Variants in UGT2B17 observed in about 807,000 individuals in gnomAD.
UGT2B17 encodes the protein UDP-glucuronosyltransferase 2B17.
In UGT2B17, 21 loss-of-function variants were observed where a neutral mutation model predicts 48.2. That is an observed-to-expected ratio of 0.44 (90% CI 0.31 to 0.63). UGT2B17 has a LOEUF of 0.63. Ranked by LOEUF, UGT2B17 falls within the 20% of genes least tolerant of loss-of-function variation. The pLI is 0.08. For synonymous variants in UGT2B17, 146 were observed against 238.4 expected, an observed-to-expected ratio of 0.61 and a Z score of 3.57; for missense variants, 402 against 696.1, an observed-to-expected ratio of 0.58 and a Z score of 4.75.
intron 6 of UGT2B17, among the ~76,000 whole-genome samples, chr4:68,546,298 C>G (rs1482307279): frequency 2.4e-5 from 3 of 126,292 alleles, no homozygotes; most frequent in African/African-American, 8.1e-5. Context: ...TGTAATCCAG[C>G]ACATAAACAG....
rs946989951 is a variant in UGT2B17, at chr4:68,562,980, G to C, written c.874-2312C>G. ...ATGGCTTGGTATGCGCATTGTATAA[G>C]TTTTTAACCATTTCTTAATGTAAGA... On this transcript the variant is annotated intron_variant, in intron 3 of 6. Coordinates refer to ENST00000317746, the MANE Select transcript of UGT2B17 (RefSeq NM_001077.4). Among the ~76,000 whole-genome samples the C allele has an allele frequency of 7.9e-5, 10 of 126,024 alleles. 2 individuals are homozygous for C. The Admixed American group carries it at 8.1e-4, about 10-fold the overall frequency. 82.7% of individuals were successfully genotyped at this position (126,024 alleles called of 152,430 possible).
rs562247025 is a variant in UGT2B17, at chr4:68,558,780, T to C, written c.1005+1757A>G. 7.3e-4 allele frequency among the ~76,000 whole-genome samples: 92 copies of C among 125,364 alleles called. 27 individuals carry two copies. In the South Asian group the frequency reaches 0.012, roughly 17 times the overall value. 82.2% of individuals were successfully genotyped at this position (125,364 alleles called of 152,430 possible). On this transcript the variant is annotated intron_variant, in intron 4 of 6. Transcript: ENST00000317746. Reference sequence around the variant, plus strand: ...TTAAAATGTAAAATGAAAATAAACCTGGGGGCCCCAAAGTCACTAAGCAAA... The same window carrying C: ...TTAAAATGTAAAATGAAAATAAACCCGGGGGCCCCAAAGTCACTAAGCAAA...
At position 68,571,111 on chromosome 4, in the gene UGT2B17, G is replaced by A. The variant is rs1233361981; in HGVS notation, c.-64-2563C>T. 1.6e-5 allele frequency among the ~76,000 whole-genome samples: 2 copies of A among 125,454 alleles called. 1 individual carries two copies. The highest frequency in any genetic ancestry group is 3.4e-5 in the Non-Finnish European group (2 of 59,374). The allele number at this position is 125,454 out of a possible 152,430, so 82.3% of individuals were successfully genotyped here. ...AAACAGCTTGTAACCATATGATTCG[G>A]TTGAGCATGTAGATGGGGGTCCAAT... On this transcript the variant is annotated intron_variant, in intron 1 of 6. Coordinates refer to ENST00000317746, the MANE Select transcript of UGT2B17 (RefSeq NM_001077.4).
In UGT2B17 at chr4:68,573,651, G is replaced by C. The variant is rs548483985; in HGVS notation, c.-65+2300C>G. ...TGGTTGATGAAATGCCAGGGTGAAA[G>C]GGATAGCCCAATGGACTAAGGCACA... On this transcript the variant is annotated intron_variant, in intron 1 of 6. Coordinates refer to ENST00000317746, the MANE Select transcript of UGT2B17 (RefSeq NM_001077.4). Among the ~76,000 whole-genome samples, 11 of 126,216 alleles carry C rather than the reference G, an allele frequency of 8.7e-5. 2 individuals are homozygous for C. The highest frequency in any genetic ancestry group is 1.7e-4 in the Non-Finnish European group (10 of 59,606). 82.8% of individuals were successfully genotyped at this position (126,216 alleles called of 152,430 possible). A position where few individuals can be genotyped will look rare whatever the true frequency, so the allele number is the denominator to read the frequency against.
At chr4:68,567,564 G>T (rs555904244) in intron 2 of UGT2B17, among the ~76,000 whole-genome samples, 197 bp downstream of exon 2, 1 of 124,978 alleles carries the variant, frequency 8.0e-6, no homozygotes, top group African/African-American at 2.7e-5. Context: ...GTGTCCTATA[G>T]CAGTGATGGC....
chr4:68,550,678 T>G lies in UGT2B17; in HGVS notation c.1312A>C (p.Ile438Leu). ...NALKSVINDPIYKENIMKLSR... is the reference protein window; with the variant it reads ...NALKSVINDPLYKENIMKLSR... ...TGGTCACAAAATTGTAATACTCACA[T>G]AGGGTCATTAATGACTGACTTCAAT... The change falls in exon 6 of 7, where the codon ATC becomes CTC. Residue 438 changes from isoleucine to leucine, a missense_variant and splice_region_variant. Physicochemically the swap from Ile to Leu is conservative, Grantham distance 5. This residue lies in a region of UGT2B17 where 156 missense variants were observed against 258.6 expected (regional missense o/e 0.60). Coordinates refer to ENST00000317746, the MANE Select transcript of UGT2B17 (RefSeq NM_001077.4). 1 of 1,374,870 alleles carries G rather than the reference T, an allele frequency of 7.3e-7. No individual in the cohort carries two copies. The highest frequency in any genetic ancestry group is 9.5e-7 in the Non-Finnish European group (1 of 1,052,080). The allele number at this position is 1,374,870 out of a possible 1,614,324, so 85.2% of individuals were successfully genotyped here.
chr4:68,562,719 T>C lies in UGT2B17; in HGVS notation c.874-2051A>G, dbSNP rs1731126662. On this transcript the variant is annotated intron_variant, in intron 3 of 6. Coordinates refer to ENST00000317746, the MANE Select transcript of UGT2B17 (RefSeq NM_001077.4). ...TTTAGGAAAAAAATCATTTTTCCCA[T>C]ATCTCTATCTCAATTTAAAATGTGT... Among the ~76,000 whole-genome samples, 2 of 126,604 alleles carry C rather than the reference T, an allele frequency of 1.6e-5. 1 individual carries two copies. Among genetic ancestry groups the C allele is most frequent in the Admixed American group, 1.6e-4 (2 of 12,360 alleles). 83.1% of individuals were successfully genotyped at this position (126,604 alleles called of 152,430 possible). A position where few individuals can be genotyped will look rare whatever the true frequency, so the allele number is the denominator to read the frequency against.
chr4:68,564,406 A>T (rs1432746746), intron 3 of UGT2B17, among the ~76,000 whole-genome samples: 1 of 117,456 alleles, frequency 8.5e-6, no homozygotes, highest in Admixed American at 9.0e-5. Context: ...CTCCTGCCTC[A>T]GCTTCCCGAG....
rs1384517667 is a variant in UGT2B17 at position 68,556,084 on chromosome 4, T to C, written c.1006-4173A>G. 2.4e-4 allele frequency among the ~76,000 whole-genome samples: 30 copies of C among 122,968 alleles called. 7 individuals are homozygous for C. Among genetic ancestry groups the C allele is most frequent in the African/African-American group, 7.4e-4 (27 of 36,330 alleles). 80.7% of individuals were successfully genotyped at this position (122,968 alleles called of 152,430 possible). A position where few individuals can be genotyped will look rare whatever the true frequency, so the allele number is the denominator to read the frequency against. The stretch of plus-strand genomic sequence containing the variant: ...GTCCAAACATATCATGAATGATCTG[T>C]GTAAGTCACAATAAGAAGATTAAAA... On this transcript the variant is annotated intron_variant, in intron 4 of 6. Coordinates refer to ENST00000317746, the MANE Select transcript of UGT2B17 (RefSeq NM_001077.4).
rs1410073083 is a variant in UGT2B17 at position 68,553,615 on chromosome 4, A to G, written c.1006-1704T>C. ...ACAGATTACCTTGTACTGTGAGAGG[A>G]TTTTACCTTGGCGTGTGTAATGGCA... On this transcript the variant is annotated intron_variant, in intron 4 of 6. Coordinates refer to ENST00000317746, the MANE Select transcript of UGT2B17 (RefSeq NM_001077.4). Among the ~76,000 whole-genome samples the G allele has an allele frequency of 1.6e-5, 2 of 125,058 alleles. 1 individual carries two copies. The highest frequency in any genetic ancestry group is 3.4e-5 in the Non-Finnish European group (2 of 59,110). The allele number at this position is 125,058 out of a possible 152,430, so 82.0% of individuals were successfully genotyped here.
In UGT2B17 at chr4:68,550,834, A is replaced by T; in HGVS notation, c.1156T>A (p.Tyr386Asn). The T allele has an allele frequency of 7.2e-7, 1 of 1,381,620 alleles. No individual in the cohort carries two copies. Among genetic ancestry groups the T allele is most frequent in the Non-Finnish European group, 9.4e-7 (1 of 1,058,866 alleles). 85.6% of individuals were successfully genotyped at this position (1,381,620 alleles called of 1,614,324 possible). A position where few individuals can be genotyped will look rare whatever the true frequency, so the allele number is the denominator to read the frequency against. The change falls in exon 6 of 7, where the codon TAC becomes AAC. Residue 386 changes from tyrosine (Y) to asparagine (N), a missense_variant. This residue lies in a region of UGT2B17 where 156 missense variants were observed against 258.6 expected (regional missense o/e 0.60). Transcript: ENST00000317746. ...GGTNGIYEAIYHGIPMVGIPL... is the reference protein window; with the variant it reads ...GGTNGIYEAINHGIPMVGIPL... ...ATGCCCACCATAGGGATCCCATGGT[A>T]GATTGCCTCATAGATGCCATTGGTT...
In UGT2B17 at chr4:68,557,466, T is replaced by A. The variant is rs532970341; in HGVS notation, c.1005+3071A>T. Among the ~76,000 whole-genome samples, 103 of 125,056 alleles carry A rather than the reference T, an allele frequency of 8.2e-4. 23 individuals are homozygous for A. The highest frequency in any genetic ancestry group is 1.2e-3 in the Non-Finnish European group (68 of 59,056). The allele number at this position is 125,056 out of a possible 152,430, so 82.0% of individuals were successfully genotyped here. On this transcript the variant is annotated intron_variant, in intron 4 of 6. Coordinates refer to ENST00000317746, the MANE Select transcript of UGT2B17 (RefSeq NM_001077.4). ...GAATTAACTACATGGACTGAAATAA[T>A]AGAAAACTAAAGTAATCTTTTTGAC...
rs1445543941 is a variant in UGT2B17, at chr4:68,548,319, G to A, written c.1313+2358C>T. Among the ~76,000 whole-genome samples the A allele has an allele frequency of 8.8e-5, 11 of 124,864 alleles. 3 individuals are homozygous for A. The highest frequency in any genetic ancestry group is 1.4e-4 in the Non-Finnish European group (8 of 59,240). The allele number at this position is 124,864 out of a possible 152,430, so 81.9% of individuals were successfully genotyped here. On this transcript the variant is annotated intron_variant, in intron 6 of 6. Transcript: ENST00000317746. ...AAACCATCATTCCCAGCAAACTATC[G>A]CAAGGACAAAAAACCAAACACCGCA...
chr4:68,575,457 G>A (rs1335608914), intron 1 of UGT2B17, among the ~76,000 whole-genome samples: 2 of 124,532 alleles, frequency 1.6e-5, no homozygotes, highest in Non-Finnish European at 3.4e-5. Context: ...AAGTTTTCCT[G>A]GAGTCATAGT....
rs1332190519 is a variant in UGT2B17, at chr4:68,549,363, C to G, written c.1313+1314G>C. Among the ~76,000 whole-genome samples, 4 of 115,292 alleles carry G rather than the reference C, an allele frequency of 3.5e-5. 1 individual carries two copies. Among genetic ancestry groups the G allele is most frequent in the Admixed American group, 1.8e-4 (2 of 11,072 alleles). The allele number at this position is 115,292 out of a possible 152,430, so 75.6% of individuals were successfully genotyped here. Reference sequence around the variant, plus strand: ...CCAAAAAGTAAAAAAAAAAAAAAATCTATCTGCCCATAGTGGAAGAAAATA... The same window carrying G: ...CCAAAAAGTAAAAAAAAAAAAAAATGTATCTGCCCATAGTGGAAGAAAATA... On this transcript the variant is annotated intron_variant, in intron 6 of 6. Transcript: ENST00000317746.
intron 6 of UGT2B17, among the ~76,000 whole-genome samples, chr4:68,547,472 C>G (rs1578165686): frequency 8.0e-6 from 1 of 125,246 alleles, no homozygotes; most frequent in Non-Finnish European, 1.7e-5. Flanking sequence ...CATAAAAACT[C>G]TAGAAGAAAA....
intron 3 of UGT2B17, among the ~76,000 whole-genome samples, chr4:68,561,211 C>G (rs1333414638): frequency 8.1e-6 from 1 of 122,746 alleles, no homozygotes; most frequent in African/African-American, 2.8e-5. Context: ...TATTTAGCTT[C>G]TTTAGCTCTC....
At chr4:68,550,449 A>T (rs1560576810) in intron 6 of UGT2B17, among the ~76,000 whole-genome samples, 1 of 124,956 alleles carries the variant, frequency 8.0e-6, no homozygotes, top group African/African-American at 2.7e-5. Flanking sequence ...CATATCTTTA[A>T]TTTTTTTGAT....
At position 68,568,264 on chromosome 4, in the gene UGT2B17, A is replaced by C. The variant is rs373449698; in HGVS notation, c.221T>G (p.Leu74Ter). 70 of 1,375,876 alleles carry C rather than the reference A, an allele frequency of 5.1e-5. 14 individuals are homozygous for C. The highest frequency in any genetic ancestry group is 1.2e-4 in the Admixed American group (6 of 48,032). The allele number at this position is 1,375,876 out of a possible 1,614,324, so 85.2% of individuals were successfully genotyped here. A position where few individuals can be genotyped will look rare whatever the true frequency, so the allele number is the denominator to read the frequency against. Residue 74 changes from leucine to a stop codon, truncating the protein, a stop_gained, in exon 2 of 7, where the codon TTA becomes TGA. Coordinates refer to ENST00000317746, the MANE Select transcript of UGT2B17 (RefSeq NM_001077.4). LOFTEE classifies it high-confidence loss of function. ...AGTTAAAGATGTAGGATAAACTTCT[A>C]ATTTAATAGCAGATGATTTACTGGC... is the stretch of plus-strand genomic sequence containing the variant. ...VNASKSSAIKLEVYPTSLTKN... is the reference protein window; with the variant it reads ...VNASKSSAIK
Sources: allele counts gnomAD v4.1 joint callset (sites outside exome capture counted in the v4.1 genomes callset), GRCh38; gene constraint gnomAD v4.1.1; regional missense constraint gnomAD v4.1.1; transcripts MANE v1.5; gene names NCBI Gene and HGNC (gene_info 2026-07-23, HGNC 2026-07-21).